The following NRXN1 variants were observed in gnomAD, a reference collection of about 807,000 sequenced individuals.
NRXN1 encodes the protein neurexin 1, also known as neurexin-1.
Under a neutral mutation model 150.9 loss-of-function variants are expected in NRXN1, and 39 were observed. That is an observed-to-expected ratio of 0.26 (90% confidence interval 0.20 to 0.34). NRXN1 has a LOEUF of 0.34. NRXN1 is among the 10% of genes least tolerant of loss of function. NRXN1 has a pLI of 1.00. For missense variants in NRXN1, 1,815 were observed against 1,949.9 expected, an observed-to-expected ratio of 0.93 and a Z score of 1.30; for synonymous variants, 924 against 757.0, an observed-to-expected ratio of 1.22 and a Z score of -3.62.
At chr2:50,408,129 C>T (rs1356514419) in intron 17 of NRXN1, among the ~76,000 whole-genome samples, 4 of 152,114 alleles carry the variant, frequency 2.6e-5, no homozygotes, top group African/African-American at 9.7e-5. Context: ...AAGCCCAGCC[C>T]TCCAAGATCT....
intron 5 of NRXN1, among the ~76,000 whole-genome samples, chr2:50,721,116 T>A (rs1298773635): frequency 2.0e-5 from 3 of 152,178 alleles, no homozygotes; most frequent in Non-Finnish European, 4.4e-5. Flanking sequence ...GACCCTAGTT[T>A]AGCCACTAGA....
chr2:50,369,276 A>T (rs1205046018), intron 17 of NRXN1, among the ~76,000 whole-genome samples: 1 of 152,042 alleles, frequency 6.6e-6, no homozygotes, highest in Non-Finnish European at 1.5e-5. Context: ...GAATACATTT[A>T]CTTAATGTGT....
chr2:50,308,650 A>G (rs1332813336), intron 17 of NRXN1, among the ~76,000 whole-genome samples: 1 of 152,142 alleles, frequency 6.6e-6, no homozygotes, highest in African/African-American at 2.4e-5. Context: ...TACTACTACA[A>G]TCAGTGTATT....
At chr2:50,411,202 T>G (rs1194845342) in intron 17 of NRXN1, among the ~76,000 whole-genome samples, 4 of 152,114 alleles carry the variant, frequency 2.6e-5, no homozygotes, top group Non-Finnish European at 5.9e-5. Flanking sequence ...GGTTTTCATA[T>G]TTTTTGGTGG....
intron 17 of NRXN1, among the ~76,000 whole-genome samples, chr2:50,393,179 AT>A (rs2081849136): frequency 1.3e-5 from 2 of 152,026 alleles, no homozygotes; most frequent in South Asian, 2.1e-4. Context: ...AAAAAAAATA[AT>A]AATAAAACAT....
At chr2:50,421,145 T>G (rs979654753) in intron 17 of NRXN1, among the ~76,000 whole-genome samples, 1 of 152,050 alleles carries the variant, frequency 6.6e-6, no homozygotes, top group Non-Finnish European at 1.5e-5. Context: ...CGGGTATTTT[T>G]CATGTCAAAG....
chr2:49,923,188 T>G (rs1466569068), intron 22 of NRXN1, among the ~76,000 whole-genome samples: 1 of 152,126 alleles, frequency 6.6e-6, no homozygotes, highest in Non-Finnish European at 1.5e-5. Flanking sequence ...GGACCTGAGA[T>G]TTAATTGGTA....
chr2:51,018,330 T>A (rs1669062220), intron 2 of NRXN1, among the ~76,000 whole-genome samples: 1 of 152,124 alleles, frequency 6.6e-6, no homozygotes, highest in Non-Finnish European at 1.5e-5. Context: ...CAGTTGTTCC[T>A]GCAGTGTGGT....
At chr2:50,428,783 T>C (rs2084709499) in intron 17 of NRXN1, among the ~76,000 whole-genome samples, 1 of 152,192 alleles carries the variant, frequency 6.6e-6, no homozygotes, top group South Asian at 2.1e-4. Context: ...TTTACATTAA[T>C]TTTCTCATTT....
chr2:50,871,461 T>C (rs996374607), intron 5 of NRXN1, among the ~76,000 whole-genome samples: 3 of 151,862 alleles, frequency 2.0e-5, no homozygotes, highest in Non-Finnish European at 4.4e-5. Flanking sequence ...AGTTCTAAAA[T>C]ATTATGATCT....
chr2:50,261,066 G>C (rs377341833), intron 17 of NRXN1, among the ~76,000 whole-genome samples: 3 of 151,794 alleles, frequency 2.0e-5, no homozygotes, highest in Admixed American at 6.6e-5. Flanking sequence ...TTTCCCCCCA[G>C]ATTGATTTCA....
At chr2:50,429,465 C>T (rs969984842) in intron 17 of NRXN1, among the ~76,000 whole-genome samples, 1 of 152,062 alleles carries the variant, frequency 6.6e-6, no homozygotes, top group Non-Finnish European at 1.5e-5. Context: ...TTATGTTGGC[C>T]AGGCTGGTCT....
rs2089577204 is a variant in NRXN1 at position 50,472,434 on chromosome 2, G to A, written c.3108C>T (p.Tyr1036=). 1.2e-6 allele frequency: 2 copies of A among 1,612,002 alleles called. No individual in the cohort carries two copies. The highest frequency in any genetic ancestry group is 2.7e-5 in the African/African-American group (2 of 74,750). Residue 1036 remains tyrosine, a synonymous_variant, in exon 16 of 23, where the codon TAC becomes TAT. Coordinates refer to ENST00000401669, the MANE Select transcript of NRXN1 (RefSeq NM_001330078.2). ...CATGTACAAGTTTTGGTAAGGATTT[G>A]TATGTTTCTTTAGCTACTCCTCCTA... is the stretch of plus-strand genomic sequence containing the variant. ...LYIGGVAKET[Y]KSLPKLVHAK...
In NRXN1 at chr2:50,643,948, T is replaced by C. The variant is rs76784441; in HGVS notation, c.833-20333A>G. 1.3e-4 allele frequency among the ~76,000 whole-genome samples: 20 copies of C among 152,008 alleles called. No individual in the cohort carries two copies. In the East Asian group the frequency reaches 3.1e-3, roughly 24 times the overall value. ...CCCCAAATTGAGACTGTGAATTGAA[T>C]TGCCCTCAGTCTATAATTTAAAGTT... On this transcript the variant is annotated intron_variant, in intron 5 of 22. Coordinates refer to ENST00000401669, the MANE Select transcript of NRXN1 (RefSeq NM_001330078.2).
At position 50,602,888 on chromosome 2, in the gene NRXN1, T is replaced by G. The variant is rs572374816; in HGVS notation, c.1320+17134A>C. The stretch of plus-strand genomic sequence containing the variant: ...TGGCTTCTCACTCTTTGATTTATAT[T>G]CTTTAATGGACTCCAGCCCTGGGGC... On this transcript the variant is annotated intron_variant, in intron 8 of 22. Transcript: ENST00000401669. 6.6e-5 allele frequency among the ~76,000 whole-genome samples: 10 copies of G among 152,300 alleles called. No homozygotes were observed. In the South Asian group the frequency reaches 1.0e-3, roughly 16 times the overall value.
At chr2:50,013,727 C>G (rs1049752882) in intron 21 of NRXN1, among the ~76,000 whole-genome samples, 49 of 152,046 alleles carry the variant, frequency 3.2e-4, no homozygotes, top group African/African-American at 1.1e-3. Context: ...ATTTTGGTAC[C>G]AAGTGGCAAT....
At chr2:50,237,200 T>C (rs2152879974) in intron 17 of NRXN1, among the ~76,000 whole-genome samples, 1 of 152,200 alleles carries the variant, frequency 6.6e-6, no homozygotes, top group African/African-American at 2.4e-5. Flanking sequence ...AGTAGGTGTT[T>C]CAGAACAAAT....
chr2:50,577,379 A>C (rs1671597257), intron 8 of NRXN1, among the ~76,000 whole-genome samples: 1 of 151,972 alleles, frequency 6.6e-6, no homozygotes, highest in African/African-American at 2.4e-5. Flanking sequence ...AAAAAAAAAC[A>C]AAGATTACTG....
chr2:50,521,033 A>AT (rs1238370760), intron 12 of NRXN1, among the ~76,000 whole-genome samples: 1 of 152,118 alleles, frequency 6.6e-6, no homozygotes, highest in African/African-American at 2.4e-5. Flanking sequence ...AATGTAAAAC[A>AT]TTTTAGAATT....
Sources: allele counts gnomAD v4.1 joint callset (sites outside exome capture counted in the v4.1 genomes callset), GRCh38; gene constraint gnomAD v4.1.1; transcripts MANE v1.5; gene names NCBI Gene and HGNC (gene_info 2026-07-23, HGNC 2026-07-21).